Variants in CEP128 observed in about 807,000 individuals in gnomAD.
The protein encoded by CEP128 is centrosomal protein 128kDa.
In CEP128, 132 loss-of-function variants were observed where a neutral mutation model predicts 156.7. That is an observed-to-expected ratio of 0.84 (90% CI 0.73 to 0.97). The LOEUF is 0.97. Among genes scored for constraint, CEP128 ranks in the 50% least tolerant of loss-of-function variants. CEP128 has a pLI of 0.00. For missense variants in CEP128, 1,252 were observed against 1,281.9 expected, an observed-to-expected ratio of 0.98 and a Z score of 0.36; for synonymous variants, 469 against 448.9, an observed-to-expected ratio of 1.04 and a Z score of -0.57.
At chr14:80,627,517 A>G (rs1383108020) in intron 19 of CEP128, among the ~76,000 whole-genome samples, 1 of 152,200 alleles carries the variant, frequency 6.6e-6, no homozygotes, top group Non-Finnish European at 1.5e-5. Flanking sequence ...TTCAATTAAC[A>G]TTTGGTGGCT....
At chr14:80,689,661 T>A (rs1218458029) in intron 19 of CEP128, among the ~76,000 whole-genome samples, 1 of 152,202 alleles carries the variant, frequency 6.6e-6, no homozygotes, top group African/African-American at 2.4e-5. Context: ...TAAACAATAC[T>A]GTTGTACTCT....
At chr14:80,942,120 T>A (rs560104757), upstream of CEP128, among the ~76,000 whole-genome samples, 82 of 152,102 alleles carry the variant, frequency 5.4e-4, 2 homozygotes, top group Admixed American at 8.5e-4. Flanking sequence ...AAGGGAGCGG[T>A]GGGAGGACAG....
rs145564124 is a variant in CEP128, at chr14:80,900,005, G to A, written c.505C>T (p.Arg169Ter). ...TQLHGFHQSL[R>*]DLSSEQIRLG... Reference sequence around the variant, plus strand: ...CGAATTTGTTCACTGCTGAGGTCTCGAAGAGACTGATGAAAACCATGAAGC... The same window carrying A: ...CGAATTTGTTCACTGCTGAGGTCTCAAAGAGACTGATGAAAACCATGAAGC... The change falls in exon 7 of 25, where the codon CGA becomes TGA. Residue 169 changes from arginine to a stop codon, truncating the protein, a stop_gained. Transcript: ENST00000555265. LOFTEE classifies it high-confidence loss of function. 3.7e-6 allele frequency: 6 copies of A among 1,612,628 alleles called. No individual in the cohort carries two copies. Among genetic ancestry groups the A allele is most frequent in the East Asian group, 2.2e-5 (1 of 44,838 alleles).
chr14:80,910,310 G>A (rs963803647), intron 4 of CEP128, among the ~76,000 whole-genome samples: 9 of 152,142 alleles, frequency 5.9e-5, no homozygotes, highest in East Asian at 1.9e-4. Flanking sequence ...GGTCCTCACC[G>A]AATTCTCATG....
chr14:80,481,988 C>G (rs1887062735), intron 14 of CEP128, among the ~76,000 whole-genome samples: 1 of 152,242 alleles, frequency 6.6e-6, no homozygotes, highest in Non-Finnish European at 1.5e-5. Context: ...GACCAAAATT[C>G]TGGTACAGCT....
chr14:80,647,852 G>A (rs925025112), intron 19 of CEP128, among the ~76,000 whole-genome samples: 3 of 152,078 alleles, frequency 2.0e-5, no homozygotes, highest in East Asian at 3.9e-4. Flanking sequence ...CACTTTGTCT[G>A]CATTAACACA....
chr14:80,916,654 ATGTT>A, intron 2 of CEP128, 92 bp from the exon 3 acceptor site: 1 of 998,648 alleles, frequency 1.0e-6, no homozygotes, highest in South Asian at 1.7e-5. Context: ...TCTCTTTTCT[ATGTT>A]TAATACATTA....
intron 19 of CEP128, among the ~76,000 whole-genome samples, chr14:80,701,247 G>T (rs867618706): frequency 9.9e-5 from 15 of 152,116 alleles, no homozygotes; most frequent in Non-Finnish European, 2.1e-4. Context: ...GGGAAGTAGA[G>T]GCAGCTGAGA....
intron 4 of CEP128, among the ~76,000 whole-genome samples, chr14:80,908,123 AC>A (rs1883996294): frequency 6.6e-6 from 1 of 151,860 alleles, no homozygotes; most frequent in South Asian, 2.1e-4. Context: ...TTTTCTCTTT[AC>A]TTTTGTCAGT....
chr14:80,684,907 TA>T (rs1315859609), intron 19 of CEP128, among the ~76,000 whole-genome samples: 1 of 151,968 alleles, frequency 6.6e-6, no homozygotes, highest in African/African-American at 2.4e-5. Flanking sequence ...CGCTTCATGA[TA>T]AAAAACCCTC....
At chr14:80,629,728 G>A (rs1461226563) in intron 19 of CEP128, among the ~76,000 whole-genome samples, 2 of 151,886 alleles carry the variant, frequency 1.3e-5, no homozygotes, top group African/African-American at 4.8e-5. Flanking sequence ...ATTGGTTTGA[G>A]GTTTTTGGCC....
At chr14:80,753,320 A>C (rs1881880829) in intron 18 of CEP128, among the ~76,000 whole-genome samples, 1 of 131,740 alleles carries the variant, frequency 7.6e-6, no homozygotes, top group African/African-American at 2.6e-5. Context: ...GGCAAAGGCC[A>C]AGAAGAAAAA....
intron 19 of CEP128, among the ~76,000 whole-genome samples, chr14:80,678,049 A>ATAT (rs1555390206): frequency 1.0e-5 from 1 of 98,502 alleles, no homozygotes; most frequent in South Asian, 2.8e-4. Context: ...ATAAAAAAAA[A>ATAT]ATATATATAT....
In CEP128 at chr14:80,905,977, G is replaced by C; in HGVS notation, c.339C>G (p.Asp113Glu). 1.2e-6 allele frequency: 2 copies of C among 1,613,104 alleles called. No individual in the cohort carries two copies. The highest frequency in any genetic ancestry group is 1.7e-6 in the Non-Finnish European group (2 of 1,179,560). ...SISVTSLSAS[D>E]LDGGTGSELH... ...TACCTGACCCAGTGCCACCATCAAG[G>C]TCACTTGCACTCAAACTTGTAACAG... The change falls in exon 5 of 25, where the codon GAC becomes GAG. Residue 113 changes from aspartate (D) to glutamate (E), a missense_variant. Transcript: ENST00000555265.
At chr14:80,681,341 G>A (rs903595173) in intron 19 of CEP128, among the ~76,000 whole-genome samples, 7 of 152,172 alleles carry the variant, frequency 4.6e-5, no homozygotes, top group South Asian at 4.1e-4. Flanking sequence ...CTGGCACCAC[G>A]AAAAATCTGA....
At chr14:80,869,987 T>C (rs1339849199) in intron 8 of CEP128, among the ~76,000 whole-genome samples, 1 of 151,980 alleles carries the variant, frequency 6.6e-6, no homozygotes, top group Admixed American at 6.6e-5. Context: ...GCCAACAAAT[T>C]GGATAACCTA....
At chr14:80,706,085 G>A (rs927446953) in intron 19 of CEP128, among the ~76,000 whole-genome samples, 6 of 151,796 alleles carry the variant, frequency 4.0e-5, no homozygotes, top group African/African-American at 9.7e-5. Context: ...ATGATATTCC[G>A]TTTCTATCAT....
At chr14:80,919,896 C>T (rs1337139244) in intron 2 of CEP128, among the ~76,000 whole-genome samples, 1 of 152,128 alleles carries the variant, frequency 6.6e-6, no homozygotes, top group Non-Finnish European at 1.5e-5. Flanking sequence ...AAAAGATGTT[C>T]AAACTCCTGC....
rs1887535935 is a variant in CEP128, at chr14:80,497,393, A to G, written c.*86T>C. On this transcript the variant is annotated 3_prime_UTR_variant, in exon 25 of 25. Transcript: ENST00000555265. ...AGCCAAAGCTGCAGGTATGTCTGTTAGATAATCTGGGCCAAATTGCTGTAA... is the reference window on the plus strand; with the variant it reads ...AGCCAAAGCTGCAGGTATGTCTGTTGGATAATCTGGGCCAAATTGCTGTAA... 1.2e-6 allele frequency: 1 copy of G among 857,496 alleles called. No homozygotes were observed. Among genetic ancestry groups the G allele is most frequent in the African/African-American group, 1.7e-5 (1 of 58,938 alleles). The allele number at this position is 857,496 out of a possible 1,614,324, so 53.1% of individuals were successfully genotyped here. A position where few individuals can be genotyped will look rare whatever the true frequency, so the allele number is the denominator to read the frequency against.
Sources: allele counts gnomAD v4.1 joint callset (sites outside exome capture counted in the v4.1 genomes callset), GRCh38; gene constraint gnomAD v4.1.1; transcripts MANE v1.5; gene names NCBI Gene and HGNC (gene_info 2026-07-23, HGNC 2026-07-21).